The following GALNT13 variants were observed in gnomAD, a reference collection of about 807,000 sequenced individuals.
GALNT13 encodes polypeptide N-acetylgalactosaminyltransferase 13, also known as UDP-GalNAc:polypeptide N-acetylgalactosaminyltransferase 13.
Under a neutral mutation model 64.2 loss-of-function variants are expected in GALNT13, and 28 were observed. The observed-to-expected ratio is 0.44, with a 90% CI of 0.32 to 0.60. GALNT13 has a LOEUF of 0.60. GALNT13 is among the 20% of genes least tolerant of loss of function. The pLI, the probability that GALNT13 is intolerant of heterozygous loss-of-function variation, is 0.05. For synonymous variants in GALNT13, 214 were observed against 224.6 expected (o/e 0.95, Z 0.42); for missense variants, 577 against 669.8 (o/e 0.86, Z 1.53).
the GALNT13 span, among the ~76,000 whole-genome samples, chr2:153,815,467 A>G: frequency 6.6e-6 from 1 of 152,230 alleles, no homozygotes; most frequent in Non-Finnish European, 1.5e-5. Flanking sequence ...CCAAATTAAG[A>G]AATATGCACG....
intron 4 of GALNT13, among the ~76,000 whole-genome samples, chr2:154,149,502 A>G (rs866608025): frequency 1.5e-4 from 23 of 152,276 alleles, no homozygotes; most frequent in African/African-American, 4.6e-4. Context: ...CATTGAATCT[A>G]TAAATTACCT....
the GALNT13 span, among the ~76,000 whole-genome samples, chr2:153,357,646 A>T: frequency 1.7e-3 from 265 of 152,296 alleles, 1 homozygote; most frequent in African/African-American, 4.4e-3. Context: ...ATATTGAAAT[A>T]AGGGTATGGA....
intron 4 of GALNT13, among the ~76,000 whole-genome samples, chr2:154,212,724 T>C (rs1687846463): frequency 6.6e-6 from 1 of 152,002 alleles, no homozygotes; most frequent in Non-Finnish European, 1.5e-5. Flanking sequence ...CCCATCCTTC[T>C]TCTCCTTCTA....
At chr2:154,218,555 G>A (rs1688163766) in intron 4 of GALNT13, among the ~76,000 whole-genome samples, 1 of 151,982 alleles carries the variant, frequency 6.6e-6, no homozygotes, top group East Asian at 1.9e-4. Context: ...TCTGGTACTT[G>A]TTTTCCAAAA....
At chr2:153,103,916 C>T in the GALNT13 span, among the ~76,000 whole-genome samples, 148 of 152,234 alleles carry the variant, frequency 9.7e-4, no homozygotes, top group Non-Finnish European at 1.5e-3. Flanking sequence ...TATAATTCTT[C>T]CTTCTCTGAG....
At chr2:153,559,897 TAAC>T in the GALNT13 span, among the ~76,000 whole-genome samples, 4 of 152,210 alleles carry the variant, frequency 2.6e-5, no homozygotes, top group Middle Eastern at 3.4e-3. Context: ...GTTTTAAAGA[TAAC>T]AAGTTATATT....
chr2:154,363,208 G>A (rs1697174643), intron 9 of GALNT13, among the ~76,000 whole-genome samples: 1 of 152,166 alleles, frequency 6.6e-6, no homozygotes, highest in South Asian at 2.1e-4. Context: ...CCAGATGTAC[G>A]CCTGTCCAAC....
the GALNT13 span, among the ~76,000 whole-genome samples, chr2:153,739,244 A>G: frequency 6.6e-6 from 1 of 151,890 alleles, no homozygotes; most frequent in Non-Finnish European, 1.5e-5. Context: ...CTATAGAGAC[A>G]GATTACTATT....
At chr2:153,478,391 T>C in the GALNT13 span, 1 of 1,614,190 alleles carries the variant, frequency 6.2e-7, no homozygotes, top group Non-Finnish European at 8.5e-7. Context: ...ATGACCGCGA[T>C]CTGCACCACG....
At chr2:154,322,316 A>G (rs1283632671) in intron 9 of GALNT13, among the ~76,000 whole-genome samples, 1 of 151,934 alleles carries the variant, frequency 6.6e-6, no homozygotes, top group East Asian at 1.9e-4. Context: ...TTTGAAATAC[A>G]AGACCATTTT....
chr2:154,311,503 A>C (rs1417808929), intron 9 of GALNT13, among the ~76,000 whole-genome samples: 1 of 152,166 alleles, frequency 6.6e-6, no homozygotes, highest in African/African-American at 2.4e-5. Flanking sequence ...TTAACAGGGT[A>C]ATAGAATATC....
At chr2:154,226,983 G>A (rs540146466) in intron 4 of GALNT13, among the ~76,000 whole-genome samples, 1 of 152,234 alleles carries the variant, frequency 6.6e-6, no homozygotes, top group Admixed American at 6.6e-5. Context: ...TGTATGCAGA[G>A]AGACGCTCCT....
At chr2:153,858,155 A>T in the GALNT13 span, among the ~76,000 whole-genome samples, 124,612 of 152,134 alleles carry the variant, frequency 0.82, 52,276 homozygotes, top group Non-Finnish European at 0.9. Context: ...AGATGACATT[A>T]AAGTCAAGTC....
rs1049935167 is a variant in GALNT13, at chr2:154,153,721, A to G, written c.311+13216A>G. ...GCAATCAGCGAGACTCCATGGGCAT[A>G]GAACCCTCCGAGCCAGGTGCAGGAT... On this transcript the variant is annotated intron_variant, in intron 4 of 12. Transcript: ENST00000392825. Among the ~76,000 whole-genome samples the G allele has an allele frequency of 5.7e-4, 87 of 152,224 alleles. 2 individuals are homozygous for G. The highest frequency in any genetic ancestry group is 1.1e-3 in the Non-Finnish European group (77 of 68,036).
the GALNT13 span, among the ~76,000 whole-genome samples, chr2:153,671,289 T>C: frequency 1.3e-5 from 2 of 152,080 alleles, no homozygotes; most frequent in African/African-American, 4.8e-5. Flanking sequence ...AAATGTTAAG[T>C]GCAGCCAGAG....
chr2:154,139,579 T>C (rs1190296054), intron 3 of GALNT13, among the ~76,000 whole-genome samples: 1 of 151,452 alleles, frequency 6.6e-6, no homozygotes, highest in Non-Finnish European at 1.5e-5. Flanking sequence ...TGGCACTTTG[T>C]CTTATTACTA....
chr2:153,369,365 A>G, the GALNT13 span, among the ~76,000 whole-genome samples: 2 of 152,156 alleles, frequency 1.3e-5, no homozygotes, highest in Non-Finnish European at 2.9e-5. Flanking sequence ...GATGAAACCA[A>G]AAGTTTGTTT....
intron 4 of GALNT13, among the ~76,000 whole-genome samples, chr2:154,143,458 C>G (rs1277436134): frequency 6.6e-6 from 1 of 151,536 alleles, no homozygotes; most frequent in African/African-American, 2.4e-5. Flanking sequence ...TCTCGACTTT[C>G]AACTGTCAGA....
At chr2:153,962,865 C>T (rs1693037933) in intron 3 of GALNT13, among the ~76,000 whole-genome samples, 1 of 152,120 alleles carries the variant, frequency 6.6e-6, no homozygotes, top group Non-Finnish European at 1.5e-5. Flanking sequence ...TTTGTCTCTT[C>T]TAGCAAATCT....
Sources: allele counts gnomAD v4.1 joint callset (sites outside exome capture counted in the v4.1 genomes callset), GRCh38; gene constraint gnomAD v4.1.1; transcripts MANE v1.5; gene names NCBI Gene and HGNC (gene_info 2026-07-23, HGNC 2026-07-21).